The following AGBL1 variants were observed in gnomAD, a reference collection of about 807,000 sequenced individuals.
The protein encoded by AGBL1 is cytosolic carboxypeptidase 4.
A neutral mutation model predicts 118.9 loss-of-function variants in AGBL1; 130 were observed. That is an observed-to-expected ratio of 1.09 (90% CI 0.95 to 1.26). The LOEUF (loss-of-function observed/expected upper bound fraction) is 1.26. Ranked by LOEUF, AGBL1 falls within the 50% of genes most tolerant of loss-of-function variation. The probability of loss-of-function intolerance (pLI) is 0.00; values close to 1 mark genes in which losing one functional copy is unlikely to be tolerated. For missense variants in AGBL1, 1,584 were observed against 1,298.1 expected (o/e 1.22, Z -3.38); for synonymous variants, 555 against 478.9 (o/e 1.16, Z -2.08).
At chr15:86,501,823 G>T (rs764256381) in intron 18 of AGBL1, among the ~76,000 whole-genome samples, 3 of 151,502 alleles carry the variant, frequency 2.0e-5, no homozygotes, top group Non-Finnish European at 4.4e-5. Flanking sequence ...CTTTATTACA[G>T]TATCATACTG....
chr15:87,014,714 G>A (rs2081592652), intron 24 of AGBL1, among the ~76,000 whole-genome samples: 1 of 152,130 alleles, frequency 6.6e-6, no homozygotes, highest in South Asian at 2.1e-4. Context: ...TTTAAATGGA[G>A]AAGTTCTTTT....
chr15:86,215,626 C>A (rs2078175694), intron 5 of AGBL1, among the ~76,000 whole-genome samples: 1 of 152,202 alleles, frequency 6.6e-6, no homozygotes, highest in African/African-American at 2.4e-5. Flanking sequence ...TGCTTTCTAA[C>A]ATGGCTACTT....
chr15:86,150,896 C>T (rs994424862), intron 3 of AGBL1, among the ~76,000 whole-genome samples: 4 of 151,996 alleles, frequency 2.6e-5, no homozygotes, highest in Non-Finnish European at 4.4e-5. Flanking sequence ...AATCCAGCAG[C>T]ACATCAAAAA....
chr15:86,824,736 A>G (rs2078984293), intron 22 of AGBL1, among the ~76,000 whole-genome samples: 2 of 152,140 alleles, frequency 1.3e-5, no homozygotes, highest in Admixed American at 6.6e-5. Context: ...GGGAATAGAC[A>G]CATATAGATC....
intron 22 of AGBL1, among the ~76,000 whole-genome samples, chr15:86,788,103 G>A (rs752841221): frequency 4.0e-4 from 61 of 152,140 alleles, no homozygotes; most frequent in Non-Finnish European, 7.3e-4. Flanking sequence ...TGCTAAGGCC[G>A]GAGGGAAAAG....
At chr15:86,230,301 C>A (rs2141946768) in intron 6 of AGBL1, among the ~76,000 whole-genome samples, 1 of 152,306 alleles carries the variant, frequency 6.6e-6, no homozygotes, top group East Asian at 1.9e-4. Context: ...GGCCAAATGG[C>A]TGCTCTACTA....
intron 5 of AGBL1, among the ~76,000 whole-genome samples, chr15:86,214,574 A>G (rs1383718935): frequency 6.6e-6 from 1 of 152,364 alleles, no homozygotes; most frequent in African/African-American, 2.4e-5. Flanking sequence ...TCACACCTCT[A>G]TGTAGAAAGA....
intron 1 of AGBL1, among the ~76,000 whole-genome samples, chr15:86,085,727 C>T (rs1373270192): frequency 1.3e-5 from 2 of 152,198 alleles, no homozygotes; most frequent in African/African-American, 4.8e-5. Context: ...CTGGGATGAA[C>T]TGAGGCTCAG....
At chr15:86,413,892 A>T (rs1036669228) in intron 18 of AGBL1, among the ~76,000 whole-genome samples, 2 of 152,096 alleles carry the variant, frequency 1.3e-5, no homozygotes, top group African/African-American at 4.8e-5. Context: ...CCCATTTACA[A>T]TTCACAGTAG....
At chr15:86,286,068 C>T (rs887293725) in intron 16 of AGBL1, among the ~76,000 whole-genome samples, 1 of 151,732 alleles carries the variant, frequency 6.6e-6, no homozygotes, top group African/African-American at 2.4e-5. Flanking sequence ...ACGACTACTG[C>T]TTTTTGTTTT....
At chr15:86,378,908 T>C (rs1463485061) in intron 17 of AGBL1, among the ~76,000 whole-genome samples, 1 of 151,326 alleles carries the variant, frequency 6.6e-6, no homozygotes, top group Non-Finnish European at 1.5e-5. Flanking sequence ...TAGTTTTTTT[T>C]TTTTTCTTTT....
chr15:86,799,026 G>A (rs181019154), intron 22 of AGBL1, among the ~76,000 whole-genome samples: 9 of 151,824 alleles, frequency 5.9e-5, no homozygotes, highest in East Asian at 1.9e-4. Flanking sequence ...AATATCCTTC[G>A]TTCAATACCA....
intron 15 of AGBL1, among the ~76,000 whole-genome samples, chr15:86,272,396 C>A (rs779871139): frequency 2.0e-5 from 3 of 152,018 alleles, no homozygotes; most frequent in Non-Finnish European, 4.4e-5. Context: ...ATAGGGATTG[C>A]TATGAGAGGT....
chr15:86,952,764 T>C (rs1303089902), intron 23 of AGBL1, among the ~76,000 whole-genome samples: 1 of 152,188 alleles, frequency 6.6e-6, no homozygotes, highest in Non-Finnish European at 1.5e-5. Flanking sequence ...CCAAGACCCA[T>C]GTTAAAAAGA....
chr15:86,427,366 T>C (rs1381259295), intron 18 of AGBL1, among the ~76,000 whole-genome samples: 1 of 152,202 alleles, frequency 6.6e-6, no homozygotes, highest in East Asian at 1.9e-4. Context: ...TAGTACATAC[T>C]GTGTGTCATT....
intron 22 of AGBL1, among the ~76,000 whole-genome samples, chr15:86,743,828 C>G (rs1596438901): frequency 2.0e-5 from 3 of 152,058 alleles, no homozygotes; most frequent in Admixed American, 2.0e-4. Context: ...CTTTAACTAC[C>G]TAATATGGCC....
chr15:86,848,330 G>A (rs989697453), intron 22 of AGBL1, among the ~76,000 whole-genome samples: 1 of 152,070 alleles, frequency 6.6e-6, no homozygotes, highest in Non-Finnish European at 1.5e-5. Context: ...TTGAAGGAGA[G>A]AATTTGCTGA....
chr15:86,100,759 CTT>C (rs1896666232), intron 1 of AGBL1, among the ~76,000 whole-genome samples: 1 of 151,842 alleles, frequency 6.6e-6, no homozygotes, highest in East Asian at 1.9e-4. Context: ...GGTCTTTCCT[CTT>C]TTATTTGGTT....
At chr15:86,952,236 A>T (rs969594038) in intron 23 of AGBL1, among the ~76,000 whole-genome samples, 1 of 152,120 alleles carries the variant, frequency 6.6e-6, no homozygotes, top group East Asian at 1.9e-4. Flanking sequence ...CTCAAAAAAA[A>T]AAAAAAATTT....
Sources: allele counts gnomAD v4.1 joint callset (sites outside exome capture counted in the v4.1 genomes callset), GRCh38; gene constraint gnomAD v4.1.1; transcripts MANE v1.5; gene names NCBI Gene and HGNC (gene_info 2026-07-23, HGNC 2026-07-21).